Variants in ROS1 observed in about 807,000 individuals in gnomAD.
ROS1 encodes proto-oncogene tyrosine-protein kinase ROS.
ROS1 carries 263 observed loss-of-function variants against 273.5 expected under a neutral mutation model. That is an observed-to-expected ratio of 0.96 (90% CI 0.87 to 1.06). ROS1 has a LOEUF of 1.06. Ranked by LOEUF, ROS1 falls within the 50% of genes least tolerant of loss-of-function variation. ROS1 has a pLI of 0.00. For synonymous variants in ROS1, 1,008 were observed against 954.1 expected, an observed-to-expected ratio of 1.06 and a Z score of -1.04; for missense variants, 2,833 against 2,751.1, an observed-to-expected ratio of 1.03 and a Z score of -0.67.
At chr6:117,404,514 G>A (rs1774240337) in intron 5 of ROS1, 86 bp from the exon 6 acceptor site, 2 of 1,226,066 alleles carry the variant, frequency 1.6e-6, no homozygotes, top group Non-Finnish European at 2.3e-6. Context: ...AGGGCTCTCC[G>A]TATTCTCTTG....
chr6:117,397,462 G>C (rs1160857735), intron 7 of ROS1, among the ~76,000 whole-genome samples: 1 of 152,172 alleles, frequency 6.6e-6, no homozygotes, highest in African/African-American at 2.4e-5. Flanking sequence ...TTAGGAAGAA[G>C]AGGAGAGTCT....
chr6:117,288,525 G>T lies in ROS1; in HGVS notation c.6993C>A (p.Leu2331=), dbSNP rs1224752401. 6.2e-7 allele frequency: 1 copy of T among 1,613,934 alleles called. No individual in the cohort carries two copies. The highest frequency in any genetic ancestry group is 8.5e-7 in the Non-Finnish European group (1 of 1,179,978). Residue 2331 remains leucine, a synonymous_variant, in exon 44 of 44, where the codon CTC becomes CTA. Transcript: ENST00000368507. ...ACCCATCTCCATATCCACTGTGAGT[G>T]AGACAGGCATAGTTCAGGCCTTCAG... The part of the protein sequence containing the change: ...GKPEGLNYAC[L]THSGYGDGSD
chr6:117,402,310 C>CCT (rs1185143017), intron 7 of ROS1, among the ~76,000 whole-genome samples: 1 of 152,124 alleles, frequency 6.6e-6, no homozygotes, highest in African/African-American at 2.4e-5. Context: ...ACGGACCATC[C>CCT]CTCTGCCTGA....
At chr6:117,334,669 G>A (rs1475942332) in intron 32 of ROS1, among the ~76,000 whole-genome samples, 6 of 152,074 alleles carry the variant, frequency 3.9e-5, no homozygotes, top group Admixed American at 3.9e-4. Context: ...GCAGAACAGA[G>A]ACCTCAGAAA....
In ROS1 at chr6:117,360,337, A is replaced by G; in HGVS notation, c.3430+5T>C. 6.2e-7 allele frequency: 1 copy of G among 1,610,886 alleles called. No homozygotes were observed. The highest frequency in any genetic ancestry group is 8.5e-7 in the Non-Finnish European group (1 of 1,177,714). On this transcript the variant is annotated splice_donor_5th_base_variant and intron_variant, in intron 23 of 43. Coordinates refer to ENST00000368507, the MANE Select transcript of ROS1 (RefSeq NM_001378902.1). The stretch of plus-strand genomic sequence containing the variant: ...TTATTTGCACAGATTTTAGAAAACA[A>G]ATACCTGATGTTGTAGACTTTACAA...
chr6:117,402,980 G>A (rs190456252), intron 7 of ROS1, among the ~76,000 whole-genome samples, 159 bp downstream of exon 7: 48 of 152,260 alleles, frequency 3.2e-4, no homozygotes, highest in African/African-American at 1.2e-3. Flanking sequence ...AAGGTATTGT[G>A]AGTACCTAGA....
chr6:117,290,883 CCAA>C (rs1168947197), intron 43 of ROS1, among the ~76,000 whole-genome samples: 1 of 152,146 alleles, frequency 6.6e-6, no homozygotes, highest in South Asian at 2.1e-4. Context: ...GTACATATCT[CCAA>C]CAACAACAAT....
At position 117,392,149 on chromosome 6, in the gene ROS1, C is replaced by T. The variant is rs17079119; in HGVS notation, c.1289+1075G>A. On this transcript the variant is annotated intron_variant, in intron 12 of 43. Coordinates refer to ENST00000368507, the MANE Select transcript of ROS1 (RefSeq NM_001378902.1). The stretch of plus-strand genomic sequence containing the variant: ...GACCGTAGACCTTTACACATGAAAA[C>T]AGTAAGATCCAGAGAATCCTTGTCC... Among the ~76,000 whole-genome samples the T allele has an allele frequency of 3.3e-3, 500 of 152,246 alleles. 7 individuals carry two copies. Among genetic ancestry groups the T allele is most frequent in the African/African-American group, 0.012 (486 of 41,542 alleles).
chr6:117,392,341 A>G (rs1773134468), intron 12 of ROS1, among the ~76,000 whole-genome samples: 1 of 152,138 alleles, frequency 6.6e-6, no homozygotes. Flanking sequence ...AAAACATGTT[A>G]TGAGCTGTAT....
At chr6:117,314,827 T>C (rs1775794508) in intron 39 of ROS1, among the ~76,000 whole-genome samples, 1 of 152,096 alleles carries the variant, frequency 6.6e-6, no homozygotes, top group Non-Finnish European at 1.5e-5. Flanking sequence ...GGACCCCCAG[T>C]GGAAGAGCAG....
intron 34 of ROS1, among the ~76,000 whole-genome samples, chr6:117,325,991 T>A (rs1776597308): frequency 6.6e-6 from 1 of 150,530 alleles, no homozygotes; most frequent in Non-Finnish European, 1.5e-5. Context: ...ATTAAGGGGG[T>A]GGCTGATTAT....
At chr6:117,393,915 G>T (rs573133100) in intron 11 of ROS1, among the ~76,000 whole-genome samples, 14 of 152,102 alleles carry the variant, frequency 9.2e-5, no homozygotes, top group Admixed American at 2.0e-4. Flanking sequence ...ATTATTTTTA[G>T]TATAAACTCA....
At chr6:117,388,104 G>T in intron 13 of ROS1, 112 bp from the exon 14 acceptor site, 1 of 1,515,734 alleles carries the variant, frequency 6.6e-7, no homozygotes, top group Non-Finnish European at 9.0e-7. Context: ...GAGCAATTGG[G>T]CAGTAATATC....
At chr6:117,321,464 C>T (rs2128563971) in intron 35 of ROS1, 70 bp from the exon 36 acceptor site, 1 of 1,375,906 alleles carries the variant, frequency 7.3e-7, no homozygotes. Context: ...GAAATGTTAA[C>T]AGTGCATTTG....
intron 7 of ROS1, among the ~76,000 whole-genome samples, chr6:117,402,550 T>C (rs193062808): frequency 1.5e-3 from 233 of 152,322 alleles, no homozygotes; most frequent in African/African-American, 5.3e-3. Context: ...CAATATACTT[T>C]ATTTATTTCT....
At chr6:117,313,121 A>C (rs1418079241) in intron 39 of ROS1, among the ~76,000 whole-genome samples, 1 of 152,204 alleles carries the variant, frequency 6.6e-6, no homozygotes, top group African/African-American at 2.4e-5. Context: ...TGCAAGAACT[A>C]CATCCTTCAC....
At position 117,404,335 on chromosome 6, in the gene ROS1, T is replaced by C; in HGVS notation, c.410A>G (p.Lys137Arg). 6.2e-7 allele frequency: 1 copy of C among 1,614,066 alleles called. No individual in the cohort carries two copies. Among genetic ancestry groups the C allele is most frequent in the Non-Finnish European group, 8.5e-7 (1 of 1,179,890 alleles). The change falls in exon 6 of 44, where the codon AAA becomes AGA. Residue 137 changes from lysine to arginine, a missense_variant. Lys to Arg is a conservative substitution (Grantham distance 26). Coordinates refer to ENST00000368507, the MANE Select transcript of ROS1 (RefSeq NM_001378902.1). ...TGCATATTTCCACTGAATGATGTAT[T>C]TTACTCCAGAGAAGTTTGCAGATTT... ...RWKSANFSGV[K>R]YIIQWKYAQL...
At chr6:117,329,802 C>G (rs932536557) in intron 32 of ROS1, among the ~76,000 whole-genome samples, 1 of 152,132 alleles carries the variant, frequency 6.6e-6, no homozygotes, top group Non-Finnish European at 1.5e-5. Flanking sequence ...GGCTACCCAG[C>G]CGGGGAAATT....
At chr6:117,421,488 C>A (rs1266834171) in intron 1 of ROS1, among the ~76,000 whole-genome samples, 1 of 152,074 alleles carries the variant, frequency 6.6e-6, no homozygotes, top group Non-Finnish European at 1.5e-5. Flanking sequence ...TTAGCTACCA[C>A]TTATAAGTGA....
Sources: allele counts gnomAD v4.1 joint callset (sites outside exome capture counted in the v4.1 genomes callset), GRCh38; gene constraint gnomAD v4.1.1; transcripts MANE v1.5; gene names NCBI Gene and HGNC (gene_info 2026-07-23, HGNC 2026-07-21).